Variants in CLK3 observed in about 807,000 individuals in gnomAD.
CLK3 encodes the protein CDC like kinase 3.
A neutral mutation model predicts 65.2 loss-of-function variants in CLK3; 24 were observed. That is an observed-to-expected ratio of 0.37 (90% confidence interval 0.27 to 0.52). The LOEUF (loss-of-function observed/expected upper bound fraction) is 0.52, where lower values mean the gene tolerates loss of function less well. CLK3 is among the 20% of genes least tolerant of loss of function. The pLI is 0.92. For missense variants in CLK3, 506 were observed against 660.0 expected, an observed-to-expected ratio of 0.77 and a Z score of 2.56; for synonymous variants, 252 against 240.8, an observed-to-expected ratio of 1.05 and a Z score of -0.43.
At position 74,622,896 on chromosome 15, in the gene CLK3, G is replaced by A. The variant is rs1011827524; in HGVS notation, c.533+336G>A. 3.3e-5 allele frequency among the ~76,000 whole-genome samples: 5 copies of A among 152,196 alleles called. No homozygotes were observed. The highest frequency in any genetic ancestry group is 1.2e-4 in the African/African-American group (5 of 41,440). On this transcript the variant is annotated intron_variant, in intron 5 of 12. Transcript: ENST00000395066. This position sits in a 1 kb window ranked among gnomAD's most constrained non-coding sequence, Gnocchi z 4.6. ...CCCCTGTGGCTTGGAGCTGCTTCCT[G>A]TGATAACTTTTAGGTTCTTGGCTTA...
rs1358299480 is a variant in CLK3, at chr15:74,624,692, G to A, written c.534-210G>A. The stretch of plus-strand genomic sequence containing the variant: ...AGCCTAAGGATGGCAAGGATGCTAA[G>A]AGCATTAACTCACAGATCTCAGGGA... On this transcript the variant is annotated intron_variant, in intron 5 of 12. Coordinates refer to ENST00000395066, the MANE Select transcript of CLK3 (RefSeq NM_001130028.2). The surrounding 1 kb of genome is among the most constrained non-coding windows in gnomAD (Gnocchi z 4.2). The A allele has an allele frequency of 1.5e-5, 9 of 596,002 alleles. No homozygotes were observed. The highest frequency in any genetic ancestry group is 2.7e-5 in the Non-Finnish European group (9 of 331,230). 36.9% of individuals were successfully genotyped at this position (596,002 alleles called of 1,614,324 possible).
At chr15:74,625,096 C>G (rs2062133269) in intron 6 of CLK3, 78 bp downstream of exon 6, 1 of 1,011,776 alleles carries the variant, frequency 9.9e-7, no homozygotes, top group East Asian at 2.4e-5. Context: ...TGTGCCTTCA[C>G]CCATCCGCAC....
rs763516693 is a variant in CLK3, at chr15:74,622,591, C to T, written c.533+31C>T. ...CGAGCTGCGGCAGTACAGCTGGCTC[C>T]GGATGTGATCTTCCTGGGAAGAGCT... is the stretch of plus-strand genomic sequence containing the variant. On this transcript the variant is annotated intron_variant, in intron 5 of 12. Coordinates refer to ENST00000395066, the MANE Select transcript of CLK3 (RefSeq NM_001130028.2). The surrounding 1 kb of genome is among the most constrained non-coding windows in gnomAD (Gnocchi z 4.6). 36 of 1,546,774 alleles carry T rather than the reference C, an allele frequency of 2.3e-5. No homozygotes were observed. Among genetic ancestry groups the T allele is most frequent in the African/African-American group, 4.1e-5 (3 of 72,578 alleles).
upstream of CLK3, among the ~76,000 whole-genome samples, chr15:74,612,086 C>G (rs1407214937): frequency 6.6e-6 from 1 of 152,242 alleles, no homozygotes; most frequent in Non-Finnish European, 1.5e-5. Flanking sequence ...AGCAGCTGGT[C>G]TGGGGAGGCG....
chr15:74,615,732 A>G, upstream of CLK3: 2 of 1,238,488 alleles, frequency 1.6e-6, no homozygotes, highest in Non-Finnish European at 2.0e-6. Context: ...GGAGCCTTCG[A>G]GTCGGGGGCT....
upstream of CLK3, among the ~76,000 whole-genome samples, chr15:74,613,796 GGGA>G (rs1242878484): frequency 1.3e-5 from 2 of 152,106 alleles, no homozygotes; most frequent in African/African-American, 2.4e-5. Flanking sequence ...ACTAAGTGGT[GGGA>G]GGAGGAGACA....
chr15:74,627,934 C>T lies in CLK3; in HGVS notation c.1043-36C>T. 1.5e-5 allele frequency: 23 copies of T among 1,526,304 alleles called. No homozygotes were observed. Among genetic ancestry groups the T allele is most frequent in the Non-Finnish European group, 2.1e-5 (23 of 1,100,064 alleles). The allele number at this position is 1,526,304 out of a possible 1,614,324, so 94.5% of individuals were successfully genotyped here. ...TGACTTCCAGGCTGGAAGCATAAGG[C>T]CGGATCTCACAGCCTCTCCCCATCT... On this transcript the variant is annotated intron_variant, in intron 9 of 12. Transcript: ENST00000395066. The surrounding 1 kb of genome is among the most constrained non-coding windows in gnomAD (Gnocchi z 4.3).
chr15:74,614,673 G>A (rs1000984660), upstream of CLK3, among the ~76,000 whole-genome samples: 2 of 152,182 alleles, frequency 1.3e-5, no homozygotes, highest in African/African-American at 4.8e-5. Flanking sequence ...GAAGCGGGGG[G>A]CTCCCCTGCG....
upstream of CLK3, among the ~76,000 whole-genome samples, chr15:74,612,994 G>C (rs758033527): frequency 6.6e-6 from 1 of 152,232 alleles, no homozygotes; most frequent in African/African-American, 2.4e-5. Context: ...TCCTGAGCAG[G>C]GGGGCAGGCC....
Position 74,629,787 on chromosome 15 carries a change from G to A in CLK3, c.1377G>A (p.Gln459=). The A allele has an allele frequency of 1.2e-6, 2 of 1,613,730 alleles. No individual in the cohort carries two copies. Among genetic ancestry groups the A allele is most frequent in the Non-Finnish European group, 1.7e-6 (2 of 1,179,796 alleles). ...MRRMLEFDPA[Q]RITLAEALLH... ...GGATGTTAGAATTTGACCCTGCCCA[G>A]CGCATCACACTGGCCGAGGCCCTGC... is the stretch of plus-strand genomic sequence containing the variant. Residue 459 remains glutamine (Q), a synonymous_variant, in exon 13 of 13, where the codon CAG becomes CAA. Transcript: ENST00000395066.
At chr15:74,613,195 G>C (rs570753500), upstream of CLK3, 1 of 152,464 alleles carries the variant, frequency 6.6e-6, no homozygotes, top group Non-Finnish European at 1.5e-5. Context: ...TGGTGGAAGT[G>C]GAGGTGGGGG....
chr15:74,621,954 A>G lies in CLK3; in HGVS notation c.370-166A>G. On this transcript the variant is annotated intron_variant, in intron 3 of 12. Transcript: ENST00000395066. This position sits in a 1 kb window ranked among gnomAD's most constrained non-coding sequence, Gnocchi z 4.8. ...TCCCTTGCAATATCCCTATCGTTAT[A>G]TATGCTGTGTGCCTTATGAAATGCT... is the stretch of plus-strand genomic sequence containing the variant. 1.4e-6 allele frequency: 1 copy of G among 697,532 alleles called. No homozygotes were observed. Among genetic ancestry groups the G allele is most frequent in the African/African-American group, 1.7e-5 (1 of 57,210 alleles). The allele number at this position is 697,532 out of a possible 1,614,324, so 43.2% of individuals were successfully genotyped here.
At position 74,630,067 on chromosome 15, in the gene CLK3, A is replaced by T. The variant is rs2062181335; in HGVS notation, c.*184A>T. 1.7e-6 allele frequency: 1 copy of T among 599,866 alleles called. No individual in the cohort carries two copies. Among genetic ancestry groups the T allele is most frequent in the South Asian group, 2.2e-5 (1 of 46,156 alleles). 37.2% of individuals were successfully genotyped at this position (599,866 alleles called of 1,614,324 possible). On this transcript the variant is annotated 3_prime_UTR_variant, in exon 13 of 13. Coordinates refer to ENST00000395066, the MANE Select transcript of CLK3 (RefSeq NM_001130028.2). ...CTGCCAGAAAGCACAGATTTGACCC[A>T]AGCTATTTATATGTTATAAAGTTAT... is the stretch of plus-strand genomic sequence containing the variant.
Position 74,622,411 on chromosome 15 carries a change from G to T in CLK3, c.467-83G>T. On this transcript the variant is annotated intron_variant, in intron 4 of 12. Coordinates refer to ENST00000395066, the MANE Select transcript of CLK3 (RefSeq NM_001130028.2). This position sits in a 1 kb window ranked among gnomAD's most constrained non-coding sequence, Gnocchi z 4.6. The stretch of plus-strand genomic sequence containing the variant: ...TGAGAGAGAAACCTTTTTTGTTTTT[G>T]AGAATTTGAATGCTGTGAACTTGCA... 2 of 1,190,614 alleles carry T rather than the reference G, an allele frequency of 1.7e-6. No homozygotes were observed. Among genetic ancestry groups the T allele is most frequent in the Admixed American group, 2.1e-5 (1 of 46,528 alleles). 73.8% of individuals were successfully genotyped at this position (1,190,614 alleles called of 1,614,324 possible). A position where few individuals can be genotyped will look rare whatever the true frequency, so the allele number is the denominator to read the frequency against.
At chr15:74,612,321 T>C (rs1042887768), upstream of CLK3, among the ~76,000 whole-genome samples, 2 of 152,268 alleles carry the variant, frequency 1.3e-5, no homozygotes, top group Admixed American at 1.3e-4. Context: ...CTGGCTTCCA[T>C]AGCTTCAGCT....
rs1411079824 is a variant in CLK3 at position 74,627,116 on chromosome 15, AT to A, written c.818-235del. ...GGAGAGGTGGAGGGAGGTTTTTCGA[AT>A]GGCAAATTTCTTTCCTACCCCCCTG... On this transcript the variant is annotated intron_variant, in intron 7 of 12. Transcript: ENST00000395066. The surrounding 1 kb of genome is among the most constrained non-coding windows in gnomAD (Gnocchi z 4.3). 1 of 615,940 alleles carries A rather than the reference AT, an allele frequency of 1.6e-6. No homozygotes were observed. The highest frequency in any genetic ancestry group is 3.0e-6 in the Non-Finnish European group (1 of 330,436). 38.2% of individuals were successfully genotyped at this position (615,940 alleles called of 1,614,324 possible).
At position 74,620,030 on chromosome 15, in the gene CLK3, G is replaced by A. The variant is rs749474059; in HGVS notation, c.174G>A (p.Gln58=). 13 of 1,614,046 alleles carry A rather than the reference G, an allele frequency of 8.1e-6. No individual in the cohort carries two copies. Among genetic ancestry groups the A allele is most frequent in the Non-Finnish European group, 1.1e-5 (13 of 1,180,030 alleles). The part of the protein sequence containing the change: ...RSRSHDRLPY[Q]RRYRERRDSD... Reference sequence around the variant, plus strand: ...GCAGCCATGACCGCCTGCCCTACCAGAGGAGGTACCGGGAGCGCCGTGACA... The same window carrying A: ...GCAGCCATGACCGCCTGCCCTACCAAAGGAGGTACCGGGAGCGCCGTGACA... Residue 58 remains glutamine, a synonymous_variant, in exon 3 of 13, where the codon CAG becomes CAA. Transcript: ENST00000395066.
rs1270438028 is a variant in CLK3, at chr15:74,615,865, G to A, written c.-34G>A. The A allele has an allele frequency of 1.6e-6, 2 of 1,256,400 alleles. No homozygotes were observed. Among genetic ancestry groups the A allele is most frequent in the East Asian group, 3.1e-5 (1 of 32,626 alleles). The allele number at this position is 1,256,400 out of a possible 1,614,324, so 77.8% of individuals were successfully genotyped here. On this transcript the variant is annotated 5_prime_UTR_variant, in exon 1 of 13. The change creates a new upstream start codon in the 5' untranslated region. Transcript: ENST00000395066. ...GCGGAAGAGGCGCTCGGAGCGGGGA[G>A]TGGGGCCTAGCTGCAGCCGGAGCCT...
chr15:74,614,846 G>A (rs1161102754), upstream of CLK3: 1 of 152,214 alleles, frequency 6.6e-6, no homozygotes, highest in Non-Finnish European at 1.5e-5. Flanking sequence ...CGCCCCGACT[G>A]CGGGTTTCTA....
Sources: gnomAD v4.1 joint callset for allele counts (sites outside exome capture counted in the v4.1 genomes callset) on GRCh38, gnomAD v4.1.1 for gene constraint, Gnocchi (gnomAD v3.1) non-coding constraint, MANE v1.5 for transcripts, NCBI Gene and HGNC (gene_info 2026-07-23, HGNC 2026-07-21) for gene names.